Variants in CLEC4F observed in about 807,000 individuals in gnomAD.
The protein encoded by CLEC4F is C-type lectin domain family 4 member F.
A neutral mutation model predicts 53.4 loss-of-function variants in CLEC4F; 45 were observed. The ratio of observed to expected loss-of-function variants is 0.84; its 90% CI spans 0.66 to 1.08. The LOEUF (loss-of-function observed/expected upper bound fraction) is 1.08. Among genes scored for constraint, CLEC4F ranks in the 50% least tolerant of loss-of-function variants. The probability of loss-of-function intolerance (pLI) is 0.00; values close to 1 mark genes in which losing one functional copy is unlikely to be tolerated. For missense variants in CLEC4F, 753 were observed against 698.2 expected (o/e 1.08, Z -0.88); for synonymous variants, 245 against 257.5 (o/e 0.95, Z 0.46).
chr2:70,823,804 G>A (rs13412378), upstream of CLEC4F, among the ~76,000 whole-genome samples: 91,637 of 151,900 alleles, frequency 0.6, 28,161 homozygotes, highest in Middle Eastern at 0.7. Flanking sequence ...CGAGGCAGGT[G>A]GATCACTTGA....
chr2:70,808,939 C>A lies in CLEC4F; in HGVS notation c.*332G>T. 9 of 819,380 alleles carry A rather than the reference C, an allele frequency of 1.1e-5. No individual in the cohort carries two copies. Among genetic ancestry groups the A allele is most frequent in the Non-Finnish European group, 1.4e-5 (7 of 514,120 alleles). 50.8% of individuals were successfully genotyped at this position (819,380 alleles called of 1,614,324 possible). A position where few individuals can be genotyped will look rare whatever the true frequency, so the allele number is the denominator to read the frequency against. ...AGCTCTGGCCTGCCCTCAGGCCACACCCTGGCCCATGGGCTTCTTGCACAC... is the reference window on the plus strand; with the variant it reads ...AGCTCTGGCCTGCCCTCAGGCCACAACCTGGCCCATGGGCTTCTTGCACAC... On this transcript the variant is annotated 3_prime_UTR_variant, in exon 7 of 7. Coordinates refer to ENST00000272367, the MANE Select transcript of CLEC4F (RefSeq NM_173535.3).
chr2:70,812,367 G>A, intron 5 of CLEC4F, 80 bp downstream of exon 5: 1 of 1,514,512 alleles, frequency 6.6e-7, no homozygotes, highest in Non-Finnish European at 9.0e-7. Context: ...CATACCCACT[G>A]AGAGCAGGAA....
upstream of CLEC4F, among the ~76,000 whole-genome samples, chr2:70,822,260 A>C (rs1463748604): frequency 1.3e-5 from 2 of 152,178 alleles, no homozygotes; most frequent in East Asian, 1.9e-4. Context: ...AGGAAAAAGC[A>C]CACATTTGGT....
At chr2:70,811,353 T>A in intron 5 of CLEC4F, 1 of 920,880 alleles carries the variant, frequency 1.1e-6, no homozygotes, top group South Asian at 1.3e-5. Flanking sequence ...TTGAATAGAC[T>A]GTTGAGCAGC....
Position 70,816,766 on chromosome 2 carries a change from TA to T in CLEC4F, c.614del (p.Leu205Ter), listed in dbSNP as rs782229001. ...CGTGGAGCTCAATGCTGGTGTTTTC[TA>T]AACTGCTTTTTAAGAAATTCAGCGT... ...FQTLNFLKSS[L>X]ENTSIELHVL... On this transcript the variant is annotated frameshift_variant, in exon 4 of 7. Coordinates refer to ENST00000272367, the MANE Select transcript of CLEC4F (RefSeq NM_173535.3). LOFTEE classifies it high-confidence loss of function. 2.2e-5 allele frequency: 36 copies of T among 1,614,178 alleles called. No individual in the cohort carries two copies. Among genetic ancestry groups the T allele is most frequent in the Non-Finnish European group, 2.8e-5 (33 of 1,180,036 alleles).
intron 3 of CLEC4F, among the ~76,000 whole-genome samples, chr2:70,818,247 A>C (rs543247210): frequency 6.6e-6 from 1 of 152,256 alleles, no homozygotes; most frequent in Non-Finnish European, 1.5e-5. Context: ...TCAATGCGAC[A>C]GAATGGAGAA....
rs1553395923 is a variant in CLEC4F at position 70,816,373 on chromosome 2, C to T, written c.1008G>A (p.Arg336=). The part of the protein sequence containing the change: ...RAGDEIHVLK[R]DLKMVTAQTQ... ...TCTGGGCTGTGACCATTTTCAAATC[C>T]CTTTTTAACACGTGAATTTCATCAC... The change falls in exon 4 of 7, where the codon AGG becomes AGA. Residue 336 remains arginine, a synonymous_variant. Transcript: ENST00000272367. 6.2e-7 allele frequency: 1 copy of T among 1,613,898 alleles called. No individual in the cohort carries two copies. The highest frequency in any genetic ancestry group is 8.5e-7 in the Non-Finnish European group (1 of 1,179,972).
chr2:70,810,394 G>A (rs1178512998), intron 5 of CLEC4F, among the ~76,000 whole-genome samples: 2 of 151,994 alleles, frequency 1.3e-5, no homozygotes, highest in Non-Finnish European at 2.9e-5. Flanking sequence ...CAAGGCAGGC[G>A]GATCACCTGA....
intron 1 of CLEC4F, among the ~76,000 whole-genome samples, chr2:70,820,213 G>A (rs1333239216): frequency 5.9e-5 from 9 of 152,198 alleles, no homozygotes; most frequent in African/African-American, 1.7e-4. Context: ...CAACAAAAGT[G>A]TAGTTTGAAT....
At chr2:70,813,443 G>A (rs964002059) in intron 4 of CLEC4F, among the ~76,000 whole-genome samples, 1 of 152,116 alleles carries the variant, frequency 6.6e-6, no homozygotes, top group Non-Finnish European at 1.5e-5. Context: ...TGGGGCTCAG[G>A]AAGGACACCC....
chr2:70,816,700 C>T lies in CLEC4F; in HGVS notation c.681G>A (p.Gln227=). 6.2e-7 allele frequency: 1 copy of T among 1,614,184 alleles called. No individual in the cohort carries two copies. Residue 227 remains glutamine (Q), a synonymous_variant, in exon 4 of 7, where the codon CAG becomes CAA. Coordinates refer to ENST00000272367, the MANE Select transcript of CLEC4F (RefSeq NM_173535.3). ...CCGTTTCCAAACTGGCATTCAACAT[C>T]TGAATTTCAGAGTTTGCATTTTCTA... ...RGLENANSEI[Q]MLNASLETAN...
upstream of CLEC4F, among the ~76,000 whole-genome samples, chr2:70,823,544 A>T (rs1178257953): frequency 6.6e-6 from 1 of 152,178 alleles, no homozygotes; most frequent in Non-Finnish European, 1.5e-5. Flanking sequence ...CCCTTGCCCA[A>T]CTGGAAGGTC....
chr2:70,824,621 C>CAAAAAAAAAAAAAAAAA (rs1388918958), upstream of CLEC4F, among the ~76,000 whole-genome samples: 34 of 38,262 alleles, frequency 8.9e-4, 4 homozygotes, highest in Non-Finnish European at 1.1e-3. Flanking sequence ...TGCTTAGTTA[C>CAAAAAAAAAAAAAAAAA]CAAAAAAAAA....
At chr2:70,813,612 T>TTTCTTTCTTTCTTTCTTTC (rs1553394974) in intron 4 of CLEC4F, among the ~76,000 whole-genome samples, 2 of 141,526 alleles carry the variant, frequency 1.4e-5, no homozygotes, top group Non-Finnish European at 3.0e-5. Flanking sequence ...TCTTTCTTTC[T>TTTCTTTCTTTCTTTCTTTC]TTCTTTCTTT....
chr2:70,813,546 TCTTTC>T (rs1288238356), intron 4 of CLEC4F, among the ~76,000 whole-genome samples: 2 of 149,902 alleles, frequency 1.3e-5, no homozygotes, highest in African/African-American at 5.0e-5. Context: ...TTTTTTTCTT[TCTTTC>T]TTTTTTTCTT....
chr2:70,816,001 T>C lies in CLEC4F; in HGVS notation c.1380A>G (p.Arg460=). ...CTCCCCTCTCCCACTTACTTTGGGT[T>C]CTTTGTAGCTGTTCCTGTGAAGTAA... The part of the protein sequence containing the change: ...VVITSQEQLQ[R]TQSQLLQMVL... Residue 460 remains arginine (R), a synonymous_variant, in exon 4 of 7, where the codon AGA becomes AGG. Coordinates refer to ENST00000272367, the MANE Select transcript of CLEC4F (RefSeq NM_173535.3). 1 of 1,611,612 alleles carries C rather than the reference T, an allele frequency of 6.2e-7. No homozygotes were observed.
chr2:70,808,945 C>T lies in CLEC4F; in HGVS notation c.*326G>A, dbSNP rs1676383243. On this transcript the variant is annotated 3_prime_UTR_variant, in exon 7 of 7. Transcript: ENST00000272367. ...GGCCTGCCCTCAGGCCACACCCTGG[C>T]CCATGGGCTTCTTGCACACCCACTG... is the stretch of plus-strand genomic sequence containing the variant. 7.0e-6 allele frequency: 6 copies of T among 857,000 alleles called. No homozygotes were observed. The highest frequency in any genetic ancestry group is 1.1e-5 in the Non-Finnish European group (6 of 546,806). The allele number at this position is 857,000 out of a possible 1,614,324, so 53.1% of individuals were successfully genotyped here.
In CLEC4F at chr2:70,817,281, G is replaced by A. The variant is rs186189985; in HGVS notation, c.269-169C>T. Among the ~76,000 whole-genome samples the A allele has an allele frequency of 1.0e-3, 152 of 152,252 alleles. 1 individual carries two copies. Among genetic ancestry groups the A allele is most frequent in the African/African-American group, 3.5e-3 (147 of 41,552 alleles). On this transcript the variant is annotated intron_variant, in intron 3 of 6. Coordinates refer to ENST00000272367, the MANE Select transcript of CLEC4F (RefSeq NM_173535.3). Reference sequence around the variant, plus strand: ...ACACAGCCACCCAGACCCTGGGGACGGTCCACCTGAGAATGTGGGCCAAGA... The same window carrying A: ...ACACAGCCACCCAGACCCTGGGGACAGTCCACCTGAGAATGTGGGCCAAGA...
chr2:70,808,959 G>T lies in CLEC4F; in HGVS notation c.*312C>A. 1 of 969,492 alleles carries T rather than the reference G, an allele frequency of 1.0e-6. No homozygotes were observed. The highest frequency in any genetic ancestry group is 1.5e-6 in the Non-Finnish European group (1 of 646,202). The allele number at this position is 969,492 out of a possible 1,614,324, so 60.1% of individuals were successfully genotyped here. A position where few individuals can be genotyped will look rare whatever the true frequency, so the allele number is the denominator to read the frequency against. The stretch of plus-strand genomic sequence containing the variant: ...CCACACCCTGGCCCATGGGCTTCTT[G>T]CACACCCACTGATAGGGGGTGTCAC... On this transcript the variant is annotated 3_prime_UTR_variant, in exon 7 of 7. Coordinates refer to ENST00000272367, the MANE Select transcript of CLEC4F (RefSeq NM_173535.3).
Sources: allele counts gnomAD v4.1 joint callset (sites outside exome capture counted in the v4.1 genomes callset), GRCh38; gene constraint gnomAD v4.1.1; transcripts MANE v1.5; gene names NCBI Gene and HGNC (gene_info 2026-07-23, HGNC 2026-07-21).